The following PXDNL variants were observed in gnomAD, a reference collection of about 807,000 sequenced individuals.
PXDNL encodes peroxidasin like.
A neutral mutation model predicts 150.8 loss-of-function variants in PXDNL; 145 were observed. The ratio of observed to expected loss-of-function variants is 0.96; its 90% CI spans 0.84 to 1.10. PXDNL has a LOEUF of 1.10. Ranked by LOEUF, PXDNL falls within the 50% of genes least tolerant of loss-of-function variation. The pLI, the probability that PXDNL is intolerant of heterozygous loss-of-function variation, is 0.00. For synonymous variants in PXDNL, 757 were observed against 725.7 expected (o/e 1.04, Z -0.69); for missense variants, 2,087 against 1,873.9 (o/e 1.11, Z -2.10).
chr8:51,472,248 C>G lies in PXDNL; in HGVS notation c.751G>C (p.Val251Leu). The G allele has an allele frequency of 1.2e-6, 2 of 1,613,582 alleles. No individual in the cohort carries two copies. The highest frequency in any genetic ancestry group is 1.7e-6 in the Non-Finnish European group (2 of 1,179,672). The change falls in exon 8 of 23, where the codon GTC becomes CTC. Residue 251 changes from valine (V) to leucine (L), a missense_variant. By Grantham distance (32) the Val-to-Leu change is conservative (BLOSUM62 1). Transcript: ENST00000356297. ...QDVEVPSGNT[V>L]YFTCRAEGNP... ...CCTTCCGCCCGGCAGGTGAAGTAGA[C>G]GGTATTTCCTGATGGTACCTCCACA...
chr8:51,432,926 G>A (rs908820762), intron 12 of PXDNL, among the ~76,000 whole-genome samples: 3 of 147,050 alleles, frequency 2.0e-5, no homozygotes, highest in South Asian at 2.2e-4. Context: ...GGAATATTTC[G>A]GCCAGGCGCA....
intron 12 of PXDNL, chr8:51,436,078 C>T (rs1323091985): frequency 3.9e-6 from 2 of 513,956 alleles, no homozygotes; most frequent in African/African-American, 3.9e-5. Context: ...GACTGGAAAC[C>T]TTTTGAAAGG....
intron 1 of PXDNL, among the ~76,000 whole-genome samples, chr8:51,673,148 A>G (rs1281749261): frequency 6.6e-6 from 1 of 152,218 alleles, no homozygotes; most frequent in African/African-American, 2.4e-5. Context: ...CTAAGTGACC[A>G]ACAAACAGAG....
intron 1 of PXDNL, among the ~76,000 whole-genome samples, chr8:51,743,906 A>ATAAAG: frequency 7.9e-6 from 1 of 125,842 alleles, no homozygotes; most frequent in Non-Finnish European, 1.6e-5. Context: ...CTGCTGAGAG[A>ATAAAG]GAAAGGAAGG....
chr8:51,744,675 CAAAAAAAAAA>C (rs34751949), intron 1 of PXDNL, among the ~76,000 whole-genome samples: 5 of 38,860 alleles, frequency 1.3e-4, no homozygotes, highest in East Asian at 9.0e-4. Flanking sequence ...GACTCCATCT[CAAAAAAAAAA>C]AAAAAAAAAA....
chr8:51,455,950 T>A (rs1809929378), intron 9 of PXDNL, among the ~76,000 whole-genome samples: 1 of 152,188 alleles, frequency 6.6e-6, no homozygotes, highest in Non-Finnish European at 1.5e-5. Context: ...TCATATTCAA[T>A]CAATCGCTAA....
At chr8:51,417,568 G>A (rs915336751) in intron 14 of PXDNL, among the ~76,000 whole-genome samples, 1 of 152,208 alleles carries the variant, frequency 6.6e-6, no homozygotes, top group African/African-American at 2.4e-5. Flanking sequence ...AATAAAGGCT[G>A]AGATTTTTTC....
At chr8:51,524,076 C>T (rs550737104) in intron 4 of PXDNL, among the ~76,000 whole-genome samples, 4 of 152,202 alleles carry the variant, frequency 2.6e-5, no homozygotes, top group African/African-American at 7.2e-5. Flanking sequence ...ACCACCCATA[C>T]GATGGGCTTG....
chr8:51,609,338 A>G (rs1236413411), intron 2 of PXDNL, among the ~76,000 whole-genome samples: 2 of 152,210 alleles, frequency 1.3e-5, no homozygotes, highest in African/African-American at 2.4e-5. Context: ...TGAGGACTCC[A>G]GTGGGGGCAG....
At chr8:51,634,092 G>T (rs1005137278) in intron 2 of PXDNL, among the ~76,000 whole-genome samples, 36 of 151,544 alleles carry the variant, frequency 2.4e-4, no homozygotes, top group African/African-American at 8.5e-4. Context: ...AGGTTTTCTA[G>T]GATTTTTAGA....
At chr8:51,749,622 A>C (rs1246913660) in intron 1 of PXDNL, among the ~76,000 whole-genome samples, 1 of 152,220 alleles carries the variant, frequency 6.6e-6, no homozygotes, top group Non-Finnish European at 1.5e-5. Flanking sequence ...GGGTGAGTGA[A>C]TGTGAAGGCC....
chr8:51,592,732 A>G, intron 2 of PXDNL, 34 bp from the exon 3 acceptor site: 1 of 1,444,104 alleles, frequency 6.9e-7, no homozygotes, highest in Non-Finnish European at 9.4e-7. Context: ...TAATTCCCAA[A>G]TGAGAAACAG....
chr8:51,484,968 T>C (rs1307237368), intron 5 of PXDNL, among the ~76,000 whole-genome samples: 1 of 152,218 alleles, frequency 6.6e-6, no homozygotes, highest in African/African-American at 2.4e-5. Context: ...CCAGTTTTCT[T>C]AAGACTCAAG....
chr8:51,682,108 T>G (rs1295061006), intron 1 of PXDNL, among the ~76,000 whole-genome samples: 1 of 152,230 alleles, frequency 6.6e-6, no homozygotes, highest in African/African-American at 2.4e-5. Context: ...AATTATGTTA[T>G]ATAAATGCTA....
At chr8:51,405,390 C>T (rs1808409790) in intron 17 of PXDNL, among the ~76,000 whole-genome samples, 1 of 152,166 alleles carries the variant, frequency 6.6e-6, no homozygotes, top group Non-Finnish European at 1.5e-5. Context: ...ATAAAAGAGG[C>T]TTCACACGAC....
At chr8:51,766,365 A>T (rs557958917) in intron 1 of PXDNL, among the ~76,000 whole-genome samples, 1 of 152,316 alleles carries the variant, frequency 6.6e-6, no homozygotes, top group South Asian at 2.1e-4. Flanking sequence ...TTTTCTTTTA[A>T]ATCAGAAGAA....
At chr8:51,722,002 T>C (rs1232618072) in intron 1 of PXDNL, 1 of 212,176 alleles carries the variant, frequency 4.7e-6, no homozygotes, top group African/African-American at 2.3e-5. Flanking sequence ...CCAGAGATAG[T>C]GTTTACCCCT....
intron 18 of PXDNL, among the ~76,000 whole-genome samples, chr8:51,373,987 A>G (rs2130788550): frequency 1.3e-5 from 2 of 152,324 alleles, no homozygotes; most frequent in South Asian, 4.1e-4. Context: ...GCTGTTTCCC[A>G]TTATTTCATG....
intron 19 of PXDNL, among the ~76,000 whole-genome samples, chr8:51,361,101 G>A (rs1806722980): frequency 6.6e-6 from 1 of 152,134 alleles, no homozygotes; most frequent in South Asian, 2.1e-4. Context: ...CAGCAACTGG[G>A]GATCATGGTA....
Sources: allele counts gnomAD v4.1 joint callset (sites outside exome capture counted in the v4.1 genomes callset), GRCh38; gene constraint gnomAD v4.1.1; transcripts MANE v1.5; gene names NCBI Gene and HGNC (gene_info 2026-07-23, HGNC 2026-07-21).